Variants in SHROOM4 observed in about 807,000 individuals in gnomAD.
SHROOM4 encodes the protein shroom family member 4.
SHROOM4 carries 17 observed loss-of-function variants against 80.3 expected under a neutral mutation model. The observed-to-expected ratio is 0.21, with a 90% CI of 0.14 to 0.32. The LOEUF is 0.32. SHROOM4 is among the 10% of genes least tolerant of loss of function. The pLI is 1.00. For synonymous variants in SHROOM4, 400 were observed against 437.5 expected (o/e 0.91, Z 1.07); for missense variants, 993 against 1,140.3 (o/e 0.87, Z 1.86).
intron 1 of SHROOM4, among the ~76,000 whole-genome samples, chrX:50,735,395 A>G (rs1453191194): frequency 1.8e-5 from 2 of 112,128 alleles, no homozygotes; most frequent in Non-Finnish European, 3.8e-5. Flanking sequence ...GTAAACCTTA[A>G]TGACTTTTGA....
chrX:50,722,804 G>T (rs1224133179), intron 1 of SHROOM4, among the ~76,000 whole-genome samples: 2 of 110,949 alleles, frequency 1.8e-5, no homozygotes, highest in African/African-American at 6.6e-5. Flanking sequence ...TAGGAGAGCA[G>T]GTTTTATTTT....
intron 5 of SHROOM4, among the ~76,000 whole-genome samples, chrX:50,622,679 A>T (rs1930623295): frequency 1.8e-5 from 2 of 111,788 alleles, no homozygotes; most frequent in African/African-American, 6.5e-5. Context: ...AAATGTTAAA[A>T]TTTGTGTGTG....
chrX:50,654,093 C>T (rs1290917290), intron 2 of SHROOM4, among the ~76,000 whole-genome samples: 3 of 111,809 alleles, frequency 2.7e-5, no homozygotes, highest in Non-Finnish European at 5.6e-5. Flanking sequence ...CTTTAGCTAT[C>T]AGTGCTATGT....
At chrX:50,730,624 A>T (rs1035849790) in intron 1 of SHROOM4, among the ~76,000 whole-genome samples, 1 of 107,567 alleles carries the variant, frequency 9.3e-6, no homozygotes, top group Non-Finnish European at 1.9e-5. Flanking sequence ...AAAATACAAA[A>T]ATTAGCCAGG....
chrX:50,652,143 T>C (rs1450100770), intron 2 of SHROOM4, among the ~76,000 whole-genome samples: 49 of 111,908 alleles, frequency 4.4e-4, no homozygotes, highest in Non-Finnish European at 7.9e-4. Flanking sequence ...TTCCAGATCC[T>C]TGAGGAATCG....
chrX:50,810,923 T>A (rs782673739), intron 1 of SHROOM4, among the ~76,000 whole-genome samples: 1 of 111,831 alleles, frequency 8.9e-6, no homozygotes, highest in Admixed American at 9.5e-5. Flanking sequence ...AGGAAGCACA[T>A]TGTAAATAGT....
chrX:50,661,649 A>C (rs1196944642), intron 2 of SHROOM4, among the ~76,000 whole-genome samples: 9 of 112,473 alleles, frequency 8.0e-5, no homozygotes, highest in African/African-American at 2.9e-4. Context: ...TTAGTACCAA[A>C]GTATTTTAAT....
chrX:50,673,858 A>C (rs2033692855), intron 2 of SHROOM4, among the ~76,000 whole-genome samples: 1 of 109,138 alleles, frequency 9.2e-6, no homozygotes, highest in African/African-American at 3.3e-5. Context: ...AAAGAATCTA[A>C]AACTAACAAA....
At chrX:50,685,984 T>C (rs1933061194) in intron 2 of SHROOM4, among the ~76,000 whole-genome samples, 1 of 111,608 alleles carries the variant, frequency 9.0e-6, no homozygotes, top group African/African-American at 3.3e-5. Flanking sequence ...TACTATGTGA[T>C]TGATAATAAC....
At chrX:50,612,039 TA>T (rs1930018188) in intron 5 of SHROOM4, among the ~76,000 whole-genome samples, 1 of 110,519 alleles carries the variant, frequency 9.0e-6, no homozygotes, top group Non-Finnish European at 1.9e-5. Flanking sequence ...ATCATAAAAA[TA>T]AACCTAAAAC....
rs1166702520 is a variant in SHROOM4, at chrX:50,591,499, C to T, written c.*5196G>A. The stretch of plus-strand genomic sequence containing the variant: ...CAATTTGGGGCACATTTCATCTTAA[C>T]AATACTAAGTCTTCCAATCCATGAA... On this transcript the variant is annotated 3_prime_UTR_variant, in exon 9 of 9. Coordinates refer to ENST00000376020, the MANE Select transcript of SHROOM4 (RefSeq NM_020717.5). 4.9e-6 allele frequency: 1 copy of T among 203,401 alleles called. No individual in the cohort carries two copies. Among genetic ancestry groups the T allele is most frequent in the African/African-American group, 3.1e-5 (1 of 31,939 alleles). The allele number at this position is 203,401 out of a possible 1,213,427, so 16.8% of individuals were successfully genotyped here.
chrX:50,679,343 C>T (rs1024631437), intron 2 of SHROOM4, among the ~76,000 whole-genome samples: 1 of 111,735 alleles, frequency 8.9e-6, no homozygotes, highest in Non-Finnish European at 1.9e-5. Flanking sequence ...AGTTCAACTC[C>T]GCACTTCTGC....
At chrX:50,584,550 G>A (rs782544913), downstream of SHROOM4, among the ~76,000 whole-genome samples, 1 of 111,766 alleles carries the variant, frequency 8.9e-6, no homozygotes, top group South Asian at 3.8e-4. Context: ...AGCAAGAAAT[G>A]GCATAAGAAG....
At position 50,795,127 on chromosome X, in the gene SHROOM4, GATATATAT is replaced by G. The variant is rs1296594833; in HGVS notation, c.117+18767_117+18774del. ...ATATATATATATGATATATATATAT[GATATATAT>G]ATATATATATGATATATATATATAT... On this transcript the variant is annotated intron_variant, in intron 1 of 8. Coordinates refer to ENST00000376020, the MANE Select transcript of SHROOM4 (RefSeq NM_020717.5). 2.6e-3 allele frequency among the ~76,000 whole-genome samples: 6 copies of G among 2,337 alleles called. 1 individual carries two copies. The highest frequency in any genetic ancestry group is 5.8e-3 in the Non-Finnish European group (5 of 855). The allele number at this position is 2,337 out of a possible 115,157, so 2.0% of individuals were successfully genotyped here. A position where few individuals can be genotyped will look rare whatever the true frequency, so the allele number is the denominator to read the frequency against.
In SHROOM4 at chrX:50,595,618, C is replaced by T; in HGVS notation, c.*1077G>A. 4.0e-6 allele frequency: 1 copy of T among 248,044 alleles called. No homozygotes were observed. Among genetic ancestry groups the T allele is most frequent in the East Asian group, 1.1e-4 (1 of 9,379 alleles). The allele number at this position is 248,044 out of a possible 1,213,427, so 20.4% of individuals were successfully genotyped here. Reference sequence around the variant, plus strand: ...ACAAGGCCAGGCCACAGTAGGGAGGCTCTGAGTTCAAGGGGAAAACTCCTT... The same window carrying T: ...ACAAGGCCAGGCCACAGTAGGGAGGTTCTGAGTTCAAGGGGAAAACTCCTT... On this transcript the variant is annotated 3_prime_UTR_variant, in exon 9 of 9. Transcript: ENST00000376020.
chrX:50,627,592 A>G, intron 5 of SHROOM4, 22 bp downstream of exon 5: 1 of 1,199,172 alleles, frequency 8.3e-7, no homozygotes, highest in Non-Finnish European at 1.1e-6. Flanking sequence ...AACCCACCCC[A>G]ACTCCCTGAG....
chrX:50,635,147 T>A lies in SHROOM4; in HGVS notation c.926A>T (p.Glu309Val). Reference protein sequence around the residue: ...SEPVVPLPQKEKLSLEPVLPA... With the variant: ...SEPVVPLPQKVKLSLEPVLPA... ...TAGCACAGGCTCTAAGCTCAGTTTC[T>A]CCTTCTGTGGCAAGGGGACCACAGG... The change falls in exon 4 of 9, where the codon GAG (glutamate) becomes GTG (valine). Residue 309 changes from glutamate to valine, a missense_variant. By Grantham distance (121) the Glu-to-Val change is moderately radical. Transcript: ENST00000376020. 8.3e-7 allele frequency: 1 copy of A among 1,209,801 alleles called. No individual in the cohort carries two copies. Among genetic ancestry groups the A allele is most frequent in the Non-Finnish European group, 1.1e-6 (1 of 894,456 alleles).
chrX:50,636,783 G>A (rs1931376883), intron 3 of SHROOM4, among the ~76,000 whole-genome samples: 1 of 112,078 alleles, frequency 8.9e-6, no homozygotes, highest in Non-Finnish European at 1.9e-5. Context: ...AACTCACTAA[G>A]CTGCTGAAGA....
chrX:50,673,644 C>G (rs1932822007), intron 2 of SHROOM4, among the ~76,000 whole-genome samples: 2 of 110,399 alleles, frequency 1.8e-5, no homozygotes. Context: ...TATATGCTGT[C>G]AACAGTAATT....
Sources: gnomAD v4.1 joint callset for allele counts (sites outside exome capture counted in the v4.1 genomes callset) on GRCh38, gnomAD v4.1.1 for gene constraint, MANE v1.5 for transcripts, NCBI Gene and HGNC (gene_info 2026-07-23, HGNC 2026-07-21) for gene names.